The following KIAA1217 variants were observed in gnomAD, a reference collection of about 807,000 sequenced individuals.
KIAA1217 encodes sickle tail protein homolog.
In KIAA1217, 88 loss-of-function variants were observed where a neutral mutation model predicts 163.9. The ratio of observed to expected loss-of-function variants is 0.54; its 90% CI spans 0.45 to 0.64. KIAA1217 has a LOEUF of 0.64. Among genes scored for constraint, KIAA1217 ranks in the 30% least tolerant of loss-of-function variants. The pLI is 0.00. For synonymous variants in KIAA1217, 903 were observed against 923.1 expected (o/e 0.98, Z 0.39); for missense variants, 2,372 against 2,475.0 (o/e 0.96, Z 0.88).
intron 2 of KIAA1217, among the ~76,000 whole-genome samples, chr10:24,199,979 G>A (rs2067172081): frequency 6.6e-6 from 1 of 151,462 alleles, no homozygotes; most frequent in Admixed American, 6.6e-5. Flanking sequence ...TAACATTTAG[G>A]ATACAGCAGT....
At chr10:23,939,867 C>T (rs12263245) in intron 1 of KIAA1217, among the ~76,000 whole-genome samples, 28,046 of 150,304 alleles carry the variant, frequency 0.19, 4,947 homozygotes, top group African/African-American at 0.47. Context: ...ATATTTTGGA[C>T]GAGTAGCTAT....
rs561546597 is a variant in KIAA1217, at chr10:23,711,787, G to A, written c.-321+16553G>A. On this transcript the variant is annotated intron_variant, in intron 1 of 18. Transcript: ENST00000376462. ...ACCACCTTCCTCTCCTGGGGAAGAC[G>A]AGTGAGAGAAACAGAAGCTAATTAA... is the stretch of plus-strand genomic sequence containing the variant. Among the ~76,000 whole-genome samples the A allele has an allele frequency of 5.9e-5, 9 of 152,258 alleles. No homozygotes were observed. In the South Asian group the frequency reaches 1.7e-3, roughly 28 times the overall value.
chr10:23,922,213 G>A (rs2131294093), intron 1 of KIAA1217, among the ~76,000 whole-genome samples: 1 of 152,298 alleles, frequency 6.6e-6, no homozygotes, highest in East Asian at 1.9e-4. Context: ...GAGCTTTCAG[G>A]TTGGTGAACA....
rs538604439 is a variant in KIAA1217 at position 24,452,402 on chromosome 10, G to A, written c.846+13923G>A. 6.5e-3 allele frequency among the ~76,000 whole-genome samples: 996 copies of A among 152,068 alleles called. 15 individuals carry two copies. Among genetic ancestry groups the A allele is most frequent in the African/African-American group, 0.023 (950 of 41,460 alleles). The stretch of plus-strand genomic sequence containing the variant: ...AGGAATGAATGAGACGGCCGGGCAC[G>A]GTGGTTCACGCCTGTATTTCCAGCA... On this transcript the variant is annotated intron_variant, in intron 5 of 20. Transcript: ENST00000376454.
At chr10:24,048,941 G>T (rs546202680) in intron 2 of KIAA1217, among the ~76,000 whole-genome samples, 1 of 143,030 alleles carries the variant, frequency 7.0e-6, no homozygotes, top group Non-Finnish European at 1.5e-5. Context: ...TGAGGCAGGA[G>T]AATTGCTTGA....
intron 2 of KIAA1217, among the ~76,000 whole-genome samples, chr10:24,356,229 G>T (rs956513576): frequency 6.6e-6 from 1 of 152,198 alleles, no homozygotes; most frequent in Non-Finnish European, 1.5e-5. Flanking sequence ...TGTGAAGTAG[G>T]TGGGATGATT....
At chr10:24,119,891 A>ACACATCCC (rs2063212215) in intron 2 of KIAA1217, among the ~76,000 whole-genome samples, 1 of 152,200 alleles carries the variant, frequency 6.6e-6, no homozygotes, top group Non-Finnish European at 1.5e-5. Context: ...CAGGTCCCCT[A>ACACATCCC]AGTCACAAAA....
chr10:23,971,106 C>T (rs151267098), intron 1 of KIAA1217, among the ~76,000 whole-genome samples: 54 of 152,342 alleles, frequency 3.5e-4, no homozygotes, highest in African/African-American at 1.3e-3. Context: ...TACTTCTCCC[C>T]TGAGTCTTCC....
rs571832564 is a variant in KIAA1217 at position 24,343,832 on chromosome 10, G to A, written c.355-37037G>A. On this transcript the variant is annotated intron_variant, in intron 2 of 20. Coordinates refer to ENST00000376454, the MANE Select transcript of KIAA1217 (RefSeq NM_019590.5). ...GGCTAGTCAACAGTACCACTACCAC[G>A]AACTGAATAATTAATCTTTTCCCTT... is the stretch of plus-strand genomic sequence containing the variant. Among the ~76,000 whole-genome samples the A allele has an allele frequency of 1.2e-4, 18 of 152,288 alleles. No homozygotes were observed. In the South Asian group the frequency reaches 1.2e-3, roughly 11 times the overall value.
chr10:24,007,264 T>G (rs1334738264), exon 2 of KIAA1217: 1 of 152,182 alleles, frequency 6.6e-6, no homozygotes, highest in Non-Finnish European at 1.5e-5. Context: ...CCGATTGCAC[T>G]GTGTCCTGGA....
At chr10:23,984,392 G>C (rs1173412096) in intron 1 of KIAA1217, among the ~76,000 whole-genome samples, 1 of 152,162 alleles carries the variant, frequency 6.6e-6, no homozygotes, top group Non-Finnish European at 1.5e-5. Context: ...CAAAAGCTTT[G>C]ATTTTTAATA....
At chr10:24,393,691 T>C (rs1242854048) in intron 3 of KIAA1217, among the ~76,000 whole-genome samples, 1 of 152,200 alleles carries the variant, frequency 6.6e-6, no homozygotes, top group African/African-American at 2.4e-5. Context: ...ATATGACTGG[T>C]GTCCTTACAA....
At chr10:24,010,213 A>C (rs1339937551) in intron 2 of KIAA1217, among the ~76,000 whole-genome samples, 1 of 152,144 alleles carries the variant, frequency 6.6e-6, no homozygotes, top group Non-Finnish European at 1.5e-5. Context: ...AAATGCAAAA[A>C]AAAAAAGTCA....
chr10:24,101,836 T>A (rs1323830816), intron 2 of KIAA1217, among the ~76,000 whole-genome samples: 1 of 152,190 alleles, frequency 6.6e-6, no homozygotes, highest in Admixed American at 6.5e-5. Context: ...TGAACAGTAG[T>A]TTATTTATCT....
chr10:23,926,456 G>A (rs1365218435), intron 1 of KIAA1217, among the ~76,000 whole-genome samples: 4 of 152,170 alleles, frequency 2.6e-5, no homozygotes, highest in African/African-American at 4.8e-5. Flanking sequence ...CCGGAGCAGT[G>A]GCTCACGCCT....
intron 2 of KIAA1217, among the ~76,000 whole-genome samples, chr10:24,078,612 C>A (rs1008259104): frequency 6.6e-6 from 1 of 152,174 alleles, no homozygotes; most frequent in African/African-American, 2.4e-5. Flanking sequence ...GAACTTGTGT[C>A]TTCTCTTATA....
chr10:24,132,063 T>C (rs944042288), intron 2 of KIAA1217, among the ~76,000 whole-genome samples: 1 of 152,186 alleles, frequency 6.6e-6, no homozygotes, highest in Admixed American at 6.5e-5. Context: ...TTATAACATA[T>C]GGCTTTGCTA....
At chr10:23,824,658 A>AAAAAAATATATAT (rs1837805755) in intron 1 of KIAA1217, among the ~76,000 whole-genome samples, 1 of 53,040 alleles carries the variant, frequency 1.9e-5, no homozygotes, top group African/African-American at 6.5e-5. Context: ...AAATAAAAAA[A>AAAAAAATATATAT]ATATATATAT....
intron 1 of KIAA1217, among the ~76,000 whole-genome samples, chr10:23,821,354 A>G (rs1398117068): frequency 1.3e-5 from 2 of 152,164 alleles, no homozygotes. Flanking sequence ...ATACAGCACA[A>G]GAATAAAGCC....
Sources: gnomAD v4.1 joint callset for allele counts (sites outside exome capture counted in the v4.1 genomes callset) on GRCh38, gnomAD v4.1.1 for gene constraint, MANE v1.5 for transcripts, NCBI Gene and HGNC (gene_info 2026-07-23, HGNC 2026-07-21) for gene names.